Variants in IQANK1 observed in about 807,000 individuals in gnomAD.
IQANK1 encodes the protein IQ motif and ankyrin repeat domain-containing protein 1.
In IQANK1, 30 loss-of-function variants were observed where a neutral mutation model predicts 22.6. The observed-to-expected ratio is 1.33, with a 90% CI of 0.99 to 1.80. The LOEUF is 1.80. Among genes scored for constraint, IQANK1 ranks in the 40% most tolerant of loss-of-function variants. IQANK1 has a pLI of 0.00. For missense variants in IQANK1, 275 were observed against 235.2 expected (o/e 1.17, Z -1.11); for synonymous variants, 122 against 99.6 (o/e 1.23, Z -1.34).
intron 3 of IQANK1, chr8:143,760,617 G>C (rs971648938): frequency 2.6e-5 from 4 of 152,204 alleles, no homozygotes; most frequent in African/African-American, 4.8e-5. Flanking sequence ...TGGGAGCTGA[G>C]GCTGCAGTGA....
At chr8:143,761,213 C>T (rs1284549281) in intron 3 of IQANK1, among the ~76,000 whole-genome samples, 1 of 152,132 alleles carries the variant, frequency 6.6e-6, no homozygotes, top group Non-Finnish European at 1.5e-5. Context: ...CCTGCTCCTC[C>T]GGCTCCCCGC....
intron 7 of IQANK1, among the ~76,000 whole-genome samples, chr8:143,783,303 C>T (rs898023508): frequency 1.3e-5 from 2 of 152,280 alleles, no homozygotes; most frequent in East Asian, 1.9e-4. Flanking sequence ...GCCGTGGTGC[C>T]TCACTGCAGT....
chr8:143,755,517 C>A (rs1819275307), intron 3 of IQANK1, among the ~76,000 whole-genome samples: 1 of 152,090 alleles, frequency 6.6e-6, no homozygotes, highest in Non-Finnish European at 1.5e-5. Flanking sequence ...GCGCCTGCCA[C>A]CATGCCAGGC....
intron 3 of IQANK1, chr8:143,743,109 G>A (rs1330486772): frequency 5.2e-5 from 23 of 443,044 alleles, no homozygotes; most frequent in Middle Eastern, 3.8e-4. Flanking sequence ...GGTAGCCACC[G>A]GGCACGGCCT....
chr8:143,788,616 G>A (rs1322374220), intron 7 of IQANK1, among the ~76,000 whole-genome samples: 3 of 152,244 alleles, frequency 2.0e-5, no homozygotes, highest in African/African-American at 7.2e-5. Context: ...GCCTGGGCCA[G>A]GTCCTGGGGG....
intron 3 of IQANK1, among the ~76,000 whole-genome samples, chr8:143,763,366 T>C (rs1172216993): frequency 6.6e-6 from 1 of 152,246 alleles, no homozygotes; most frequent in African/African-American, 2.4e-5. Flanking sequence ...TAACATCTGT[T>C]GAATGCTTAT....
chr8:143,759,179 T>G (rs959875650), intron 3 of IQANK1: 17 of 258,428 alleles, frequency 6.6e-5, no homozygotes, highest in Non-Finnish European at 3.0e-5. Context: ...GCAAGAGACA[T>G]GGCCAGCAGC....
chr8:143,736,324 T>C (rs1302696508), intron 2 of IQANK1, among the ~76,000 whole-genome samples: 1 of 152,072 alleles, frequency 6.6e-6, no homozygotes, highest in Non-Finnish European at 1.5e-5. Flanking sequence ...ATTTTTGTTT[T>C]AGTAGAGACG....
chr8:143,742,274 C>G (rs1438271572), intron 3 of IQANK1: 2 of 423,698 alleles, frequency 4.7e-6, no homozygotes, highest in Non-Finnish European at 9.6e-6. Context: ...ACTCTTCCCA[C>G]CCACAGGAAG....
chr8:143,769,969 G>C (rs553701180), intron 3 of IQANK1, among the ~76,000 whole-genome samples: 1 of 152,288 alleles, frequency 6.6e-6, no homozygotes, highest in Non-Finnish European at 1.5e-5. Flanking sequence ...GTGGTGCACA[G>C]GCGTGTGCCT....
intron 7 of IQANK1, among the ~76,000 whole-genome samples, chr8:143,783,609 A>G (rs1352676868): frequency 1.3e-5 from 2 of 151,966 alleles, no homozygotes; most frequent in East Asian, 1.9e-4. Flanking sequence ...CTTTTCCTTT[A>G]TGGTTGGTGC....
At chr8:143,788,850 T>TGG in intron 7 of IQANK1, 65 bp from the exon 8 acceptor site, 1 of 398,772 alleles carries the variant, frequency 2.5e-6, no homozygotes, top group Non-Finnish European at 4.4e-6. Flanking sequence ...GAGCAACAGT[T>TGG]CCTCTCCAGG....
rs1820020597 is a variant in IQANK1, at chr8:143,790,601, G to A, written c.1676G>A (p.Gly559Asp). Residue 559 changes from glycine to aspartate, a missense_variant, in exon 14 of 14, where the codon GGC (glycine) becomes GAC (aspartate). Physicochemically the swap from Gly to Asp is moderately conservative, Grantham distance 94. Transcript: ENST00000527139. Reference protein sequence around the residue: ...LPVRVQLPGTGL With the variant: ...LPVRVQLPGTDL ...GTGCGCGTGCAGCTGCCAGGCACAGGCCTCTAGTGCTGGCCCCAGTCCCAA... is the reference window on the plus strand; with the variant it reads ...GTGCGCGTGCAGCTGCCAGGCACAGACCTCTAGTGCTGGCCCCAGTCCCAA... The A allele has an allele frequency of 5.0e-6, 2 of 398,836 alleles. No individual in the cohort carries two copies. Among genetic ancestry groups the A allele is most frequent in the East Asian group, 7.1e-5 (2 of 28,068 alleles). The allele number at this position is 398,836 out of a possible 1,614,324, so 24.7% of individuals were successfully genotyped here.
chr8:143,787,253 G>C (rs1163629705), intron 7 of IQANK1, among the ~76,000 whole-genome samples: 2 of 152,150 alleles, frequency 1.3e-5, no homozygotes, highest in Non-Finnish European at 2.9e-5. Flanking sequence ...TTTTGATTTT[G>C]GCCCTGGTGG....
At chr8:143,740,860 G>A (rs1554626389) in intron 3 of IQANK1, among the ~76,000 whole-genome samples, 1 of 152,272 alleles carries the variant, frequency 6.6e-6, no homozygotes, top group African/African-American at 2.4e-5. Flanking sequence ...TTTGATAAGA[G>A]CCTCAGGGGT....
chr8:143,774,869 C>T lies in IQANK1; in HGVS notation c.789+2387C>T, dbSNP rs1027372926. ...GCAACAACTAGCAACGTGGAGAAAC[C>T]GGAAGGGAGCTTCACAGAGTGGGGG... On this transcript the variant is annotated intron_variant, in intron 7 of 13. Coordinates refer to ENST00000527139, the MANE Select transcript of IQANK1 (RefSeq NM_001381874.1). This position sits in a 1 kb window ranked among gnomAD's most constrained non-coding sequence, Gnocchi z 4.2. Among the ~76,000 whole-genome samples the T allele has an allele frequency of 3.3e-5, 5 of 152,258 alleles. No individual in the cohort carries two copies. The highest frequency in any genetic ancestry group is 9.6e-5 in the African/African-American group (4 of 41,542).
intron 3 of IQANK1, among the ~76,000 whole-genome samples, chr8:143,766,864 G>C (rs1819490727): frequency 6.6e-6 from 1 of 152,154 alleles, no homozygotes; most frequent in Non-Finnish European, 1.5e-5. Context: ...TGTTGTGAAT[G>C]GGGTAAAGTA....
intron 7 of IQANK1, among the ~76,000 whole-genome samples, chr8:143,784,087 C>T (rs1819843691): frequency 6.6e-6 from 1 of 152,312 alleles, no homozygotes; most frequent in East Asian, 1.9e-4. Context: ...CTTATTCTCA[C>T]TCTCCAAATA....
intron 2 of IQANK1, among the ~76,000 whole-genome samples, chr8:143,736,738 C>T (rs1818748095): frequency 6.6e-6 from 1 of 152,146 alleles, no homozygotes; most frequent in Non-Finnish European, 1.5e-5. Flanking sequence ...GGTGACAGCT[C>T]ACCTGGGCTG....
Sources: allele counts gnomAD v4.1 joint callset (sites outside exome capture counted in the v4.1 genomes callset), GRCh38; gene constraint gnomAD v4.1.1; non-coding constraint Gnocchi (gnomAD v3.1); transcripts MANE v1.5; gene names NCBI Gene and HGNC (gene_info 2026-07-23, HGNC 2026-07-21).